TNNT2: variants seen among roughly 807,000 people sequenced by gnomAD.
TNNT2 encodes troponin T, cardiac muscle.
In TNNT2, 34 loss-of-function variants were observed where a neutral mutation model predicts 62.4. The ratio of observed to expected loss-of-function variants is 0.54; its 90% CI spans 0.41 to 0.72. The LOEUF is 0.72. Ranked by LOEUF, TNNT2 falls within the 30% of genes least tolerant of loss-of-function variation. The pLI, the probability that TNNT2 is intolerant of heterozygous loss-of-function variation, is 0.00. For missense variants in TNNT2, 275 were observed against 381.9 expected (o/e 0.72, Z 2.33); for synonymous variants, 123 against 127.2 (o/e 0.97, Z 0.22).
At chr1:201,368,893 G>A (rs1660148450) in intron 5 of TNNT2, among the ~76,000 whole-genome samples, 1 of 152,214 alleles carries the variant, frequency 6.6e-6, no homozygotes, top group Non-Finnish European at 1.5e-5. Flanking sequence ...CAGACAGGAG[G>A]AAGACACCAT....
At chr1:201,366,688 C>A in intron 8 of TNNT2, 150 bp downstream of exon 8, 1 of 1,570,018 alleles carries the variant, frequency 6.4e-7, no homozygotes. Context: ...GACGCTTGTG[C>A]AGTACACAAC....
Position 201,365,622 on chromosome 1 carries a change from T to TC in TNNT2, c.281dup (p.Val95SerfsTer4), listed in dbSNP as rs780087395. 1.9e-6 allele frequency: 3 copies of TC among 1,613,754 alleles called. No homozygotes were observed. The highest frequency in any genetic ancestry group is 2.5e-6 in the Non-Finnish European group (3 of 1,179,932). On this transcript the variant is annotated frameshift_variant, in exon 9 of 17. Transcript: ENST00000656932. LOFTEE classifies it high-confidence loss of function. The stretch of plus-strand genomic sequence containing the variant: ...AGCCACCGCTTACATCAAAGTCCAC[T>TC]CTCTCTCCATCGGGGATCTTGGGAG...
intron 11 of TNNT2, 44 bp downstream of exon 11, chr1:201,364,254 G>T: frequency 6.3e-7 from 1 of 1,589,296 alleles, no homozygotes; most frequent in South Asian, 1.1e-5. Context: ...GCAGGAGCTG[G>T]GAGCATGGGG....
Position 201,361,386 on chromosome 1 carries a change from G to A in TNNT2, c.720-17C>T. 6.2e-7 allele frequency: 1 copy of A among 1,610,644 alleles called. No individual in the cohort carries two copies. The highest frequency in any genetic ancestry group is 8.5e-7 in the Non-Finnish European group (1 of 1,176,846). ...GCCTTCTCCCTGCACGGGCAAGGGTGAGAATGGGGAGGTCCAGTAAGAAAG... is the reference window on the plus strand; with the variant it reads ...GCCTTCTCCCTGCACGGGCAAGGGTAAGAATGGGGAGGTCCAGTAAGAAAG... On this transcript the variant is annotated splice_polypyrimidine_tract_variant and intron_variant, in intron 14 of 16. Transcript: ENST00000656932.
intron 14 of TNNT2, 137 bp from the exon 15 acceptor site, chr1:201,361,506 C>T (rs370310621): frequency 1.2e-6 from 1 of 858,508 alleles, no homozygotes; most frequent in Non-Finnish European, 2.0e-6. Context: ...CCCAGCCCAC[C>T]CCCTGGGCCT....
intron 4 of TNNT2, among the ~76,000 whole-genome samples, chr1:201,370,570 C>T (rs570875042): frequency 6.6e-6 from 1 of 152,374 alleles, no homozygotes; most frequent in South Asian, 2.1e-4. Context: ...CATTATCTAT[C>T]CTGCAGGCTT....
At position 201,364,382 on chromosome 1, in the gene TNNT2, A is replaced by G; in HGVS notation, c.412-7T>C. 1.2e-6 allele frequency: 2 copies of G among 1,611,852 alleles called. No individual in the cohort carries two copies. The highest frequency in any genetic ancestry group is 1.7e-6 in the Non-Finnish European group (2 of 1,179,868). ...GCTCTGCCCGACGTCTCTCCTAAGG[A>G]GAAGAGGCAAAGCCCACCCAGGTGT... On this transcript the variant is annotated splice_region_variant and splice_polypyrimidine_tract_variant and intron_variant, in intron 10 of 16. Coordinates refer to ENST00000656932, the MANE Select transcript of TNNT2 (RefSeq NM_001276345.2).
intron 7 of TNNT2, chr1:201,367,193 G>T (rs907934833): frequency 3.1e-5 from 15 of 478,880 alleles, no homozygotes; most frequent in Admixed American, 1.7e-4. Flanking sequence ...CAAGGCCTTT[G>T]GAAAGGTCCC....
At chr1:201,361,106 G>A (rs1201410787) in intron 15 of TNNT2, 173 bp downstream of exon 15, 12 of 741,516 alleles carry the variant, frequency 1.6e-5, no homozygotes, top group East Asian at 9.9e-5. Context: ...TCGTCAATGC[G>A]GTGGACATGG....
intron 4 of TNNT2, among the ~76,000 whole-genome samples, chr1:201,371,579 G>A (rs1660611072): frequency 6.6e-6 from 1 of 152,114 alleles, no homozygotes; most frequent in Non-Finnish European, 1.5e-5. Context: ...GAACTGACAT[G>A]GTGCCTGGGA....
intron 5 of TNNT2, chr1:201,368,472 T>G (rs1660088569): frequency 3.4e-6 from 2 of 584,834 alleles, no homozygotes; most frequent in Non-Finnish European, 6.4e-6. Context: ...CTCCACCTCA[T>G]TCCCCAACTT....
intron 4 of TNNT2, among the ~76,000 whole-genome samples, chr1:201,371,561 T>C (rs1660607827): frequency 6.6e-6 from 1 of 152,158 alleles, no homozygotes; most frequent in Non-Finnish European, 1.5e-5. Flanking sequence ...AGCGAAATCT[T>C]GAAGCGTGAA....
At chr1:201,366,342 G>A (rs1251925210) in intron 8 of TNNT2, 2 of 988,524 alleles carry the variant, frequency 2.0e-6, no homozygotes, top group Non-Finnish European at 2.4e-6. Flanking sequence ...TCATAAAAAG[G>A]GAAATGCTCC....
Position 201,362,427 on chromosome 1 carries a change from A to T in TNNT2, c.601-33T>A, listed in dbSNP as rs1414799023. ...GGGAAACCATGAGAGAGAGGCCCAT[A>T]GAAAAAGACCAAGACGGCAACAGAG... On this transcript the variant is annotated intron_variant, in intron 12 of 16. Transcript: ENST00000656932. 3 of 1,612,248 alleles carry T rather than the reference A, an allele frequency of 1.9e-6. No individual in the cohort carries two copies. The South Asian group carries it at 3.3e-5, about 18-fold the overall frequency.
intron 4 of TNNT2, 144 bp downstream of exon 4, chr1:201,371,883 A>G: frequency 3.5e-6 from 4 of 1,130,708 alleles, no homozygotes; most frequent in Non-Finnish European, 5.2e-6. Flanking sequence ...ACTGATTCCC[A>G]TTTTAGAAGG....
intron 1 of TNNT2, 84 bp from the exon 2 acceptor site, chr1:201,373,352 T>C: frequency 8.2e-7 from 1 of 1,221,912 alleles, no homozygotes; most frequent in Admixed American, 1.7e-5. Context: ...TGTACAGAGA[T>C]CAGCGAGGCC....
intron 8 of TNNT2, 148 bp downstream of exon 8, chr1:201,366,690 G>A (rs1343030681): frequency 1.3e-6 from 2 of 1,577,556 alleles, no homozygotes; most frequent in South Asian, 1.1e-5. Flanking sequence ...CGCTTGTGCA[G>A]TACACAACTT....
chr1:201,375,725 G>A (rs1412803501), intron 1 of TNNT2, among the ~76,000 whole-genome samples: 1 of 152,214 alleles, frequency 6.6e-6, no homozygotes. Context: ...GGAGAAGCTT[G>A]TCCCTCAGTG....
intron 11 of TNNT2, chr1:201,363,628 C>T: frequency 1.8e-6 from 1 of 551,410 alleles, no homozygotes; most frequent in Non-Finnish European, 3.3e-6. Flanking sequence ...AATGTGAGGT[C>T]TCGTCATCCC....
Sources: gnomAD v4.1 joint callset for allele counts (sites outside exome capture counted in the v4.1 genomes callset) on GRCh38, gnomAD v4.1.1 for gene constraint, MANE v1.5 for transcripts, NCBI Gene and HGNC (gene_info 2026-07-23, HGNC 2026-07-21) for gene names.